Variants in FRK observed in about 807,000 individuals in gnomAD.
FRK encodes the protein tyrosine-protein kinase FRK.
A neutral mutation model predicts 56.4 loss-of-function variants in FRK; 51 were observed. The observed-to-expected ratio is 0.90, with a 90% confidence interval of 0.72 to 1.14. The LOEUF is 1.14. FRK is among the 50% of genes most tolerant of loss of function. FRK has a pLI of 0.00. For synonymous variants in FRK, 245 were observed against 217.9 expected (o/e 1.12, Z -1.10); for missense variants, 570 against 601.4 (o/e 0.95, Z 0.55).
At chr6:116,067,535 G>A in the FRK span, among the ~76,000 whole-genome samples, 11 of 152,128 alleles carry the variant, frequency 7.2e-5, no homozygotes, top group South Asian at 4.2e-4. Context: ...TATGTCCCTA[G>A]AGCTTAACCT....
intron 1 of FRK, among the ~76,000 whole-genome samples, chr6:116,011,717 C>A (rs1210737517): frequency 6.6e-6 from 1 of 152,184 alleles, no homozygotes. Flanking sequence ...ATTTGCAGGG[C>A]ACACTCATAA....
At chr6:115,944,080 A>T (rs1562247803) in intron 6 of FRK, among the ~76,000 whole-genome samples, 164 bp downstream of exon 6, 2 of 152,184 alleles carry the variant, frequency 1.3e-5, no homozygotes, top group African/African-American at 2.4e-5. Context: ...ATTAAGAAAT[A>T]GGAAGGTGCA....
the FRK span, among the ~76,000 whole-genome samples, chr6:116,075,975 C>G: frequency 6.6e-6 from 1 of 152,096 alleles, no homozygotes; most frequent in African/African-American, 2.4e-5. Flanking sequence ...AACATTGATT[C>G]CTTGCATACC....
At position 115,953,180 on chromosome 6, in the gene FRK, A is replaced by ACTTTTTTTTTTTTT. The variant is rs34026302; in HGVS notation, c.958+3271_958+3272insAAAAAAAAAAAAAG. Among the ~76,000 whole-genome samples, 3 of 104,032 alleles carry ACTTTTTTTTTTTTT rather than the reference A, an allele frequency of 2.9e-5. 1 individual carries two copies. Among genetic ancestry groups the ACTTTTTTTTTTTTT allele is most frequent in the African/African-American group, 3.7e-5 (1 of 27,214 alleles). The allele number at this position is 104,032 out of a possible 152,430, so 68.2% of individuals were successfully genotyped here. A position where few individuals can be genotyped will look rare whatever the true frequency, so the allele number is the denominator to read the frequency against. On this transcript the variant is annotated intron_variant, in intron 5 of 7. Coordinates refer to ENST00000606080, the MANE Select transcript of FRK (RefSeq NM_002031.3). ...AGAGTGGTACATCCATTTTAAGGCC[A>ACTTTTTTTTTTTTT]TTTTTTTTTTTTTTTTTTTTTTTTT...
chr6:116,065,588 T>G (rs1433498512), upstream of FRK, among the ~76,000 whole-genome samples: 2 of 152,224 alleles, frequency 1.3e-5, no homozygotes, highest in Non-Finnish European at 2.9e-5. Context: ...TGGGTTCTTG[T>G]CTATCTTTTA....
At position 115,956,309 on chromosome 6, in the gene FRK, C is replaced by T. The variant is rs114812149; in HGVS notation, c.958+143G>A. 4.6e-3 allele frequency: 2,074 copies of T among 452,712 alleles called. 40 individuals carry two copies. The highest frequency in any genetic ancestry group is 0.039 in the African/African-American group (1,924 of 49,786). The allele number at this position is 452,712 out of a possible 1,614,324, so 28.0% of individuals were successfully genotyped here. ...TATAACCTATTAAATAGTAGTTGAG[C>T]CATTCAGTGTTAAGACATTCATTCT... On this transcript the variant is annotated intron_variant, in intron 5 of 7. Transcript: ENST00000606080.
chr6:116,060,051 T>G lies in FRK; in HGVS notation c.261A>C (p.Lys87Asn). ...GTTGCTGACTGGAGCCATCTCGTCT[T>G]TTCTCCAAGTGTCTGGCAAACCACC... Reference protein sequence around the residue: ...EGWWFARHLEKRRDGSSQQLQ... With the variant: ...EGWWFARHLENRRDGSSQQLQ... The change falls in exon 1 of 8, where the codon AAA (lysine) becomes AAC (asparagine). Residue 87 changes from lysine to asparagine, a missense_variant. Physicochemically the swap from Lys to Asn is moderately conservative, Grantham distance 94 (BLOSUM62 0). Transcript: ENST00000606080. 2 of 1,614,168 alleles carry G rather than the reference T, an allele frequency of 1.2e-6. No individual in the cohort carries two copies. The highest frequency in any genetic ancestry group is 1.7e-6 in the Non-Finnish European group (2 of 1,180,038).
intron 1 of FRK, among the ~76,000 whole-genome samples, chr6:116,008,095 C>A (rs1313534205): frequency 5.3e-5 from 8 of 152,098 alleles, no homozygotes. Context: ...ACTAAATACT[C>A]CATTACATAA....
Position 115,942,419 on chromosome 6 carries a change from T to A in FRK, c.1513A>T (p.Arg505Ter), listed in dbSNP as rs775887093. The change falls in exon 8 of 8, where the codon AGA becomes TGA. Residue 505 changes from arginine (R) to a stop codon, truncating the protein, a stop_gained. Transcript: ENST00000606080. LOFTEE classifies it high-confidence loss of function. The part of the protein sequence containing the change: ...SSYSDANNFI[R>*] ...TTGATATTCTTCTCCAGTGTTCATC[T>A]TATGAAGTTATTTGCATCTGAATAT... 1 of 1,609,736 alleles carries A rather than the reference T, an allele frequency of 6.2e-7. No individual in the cohort carries two copies. Among genetic ancestry groups the A allele is most frequent in the South Asian group, 1.1e-5 (1 of 90,952 alleles).
intron 4 of FRK, 44 bp downstream of exon 4, chr6:115,967,507 C>T (rs1933827384): frequency 6.3e-7 from 1 of 1,576,318 alleles, no homozygotes; most frequent in African/African-American, 1.3e-5. Context: ...AAATTGAGCT[C>T]ATAAAAATCA....
At position 115,943,223 on chromosome 6, in the gene FRK, ATT is replaced by A. The variant is rs11330350; in HGVS notation, c.1141-40_1141-39del. On this transcript the variant is annotated intron_variant, in intron 6 of 7. Coordinates refer to ENST00000606080, the MANE Select transcript of FRK (RefSeq NM_002031.3). ...TAAGGAATCAGGCCGAGTTAAAGCAATTTTTTTTTTTTTGCTAACCTCATTCA... is the reference window on the plus strand; with the variant it reads ...TAAGGAATCAGGCCGAGTTAAAGCAATTTTTTTTTTTGCTAACCTCATTCA... 7.2e-3 allele frequency: 8,693 copies of A among 1,204,094 alleles called. 14 individuals carry two copies. The highest frequency in any genetic ancestry group is 0.047 in the East Asian group (1,469 of 31,200). 74.6% of individuals were successfully genotyped at this position (1,204,094 alleles called of 1,614,324 possible).
At chr6:115,979,047 C>CT (rs1372126130) in intron 2 of FRK, among the ~76,000 whole-genome samples, 3 of 143,796 alleles carry the variant, frequency 2.1e-5, no homozygotes, top group Non-Finnish European at 4.5e-5. Context: ...GAGTGAGACT[C>CT]TGTCTCAAAA....
intron 1 of FRK, among the ~76,000 whole-genome samples, chr6:116,014,657 A>C (rs1048566877): frequency 1.3e-5 from 2 of 152,184 alleles, no homozygotes; most frequent in African/African-American, 4.8e-5. Flanking sequence ...GTAAATTTGA[A>C]AACTACAAAG....
intron 1 of FRK, among the ~76,000 whole-genome samples, chr6:116,034,122 A>G (rs1296150784): frequency 6.6e-6 from 1 of 152,138 alleles, no homozygotes; most frequent in Non-Finnish European, 1.5e-5. Context: ...CATGGGATGA[A>G]CAGAGGTTGT....
intron 1 of FRK, among the ~76,000 whole-genome samples, chr6:116,019,301 A>G (rs1775774107): frequency 6.6e-6 from 1 of 152,202 alleles, no homozygotes; most frequent in Non-Finnish European, 1.5e-5. Context: ...GAATGAATAA[A>G]CAGATGATTA....
Position 115,940,003 on chromosome 6 carries a change from A to G in FRK, c.*2411T>C, listed in dbSNP as rs1254315265. The G allele has an allele frequency of 6.6e-6, 1 of 152,252 alleles. No homozygotes were observed. The highest frequency in any genetic ancestry group is 1.5e-5 in the Non-Finnish European group (1 of 68,060). 9.4% of individuals were successfully genotyped at this position (152,252 alleles called of 1,614,324 possible). A position where few individuals can be genotyped will look rare whatever the true frequency, so the allele number is the denominator to read the frequency against. ...ACTTTAAACTTCATATGGAATCAAA[A>G]AAGAGCCCGCATAGCCAAGACAATT... On this transcript the variant is annotated 3_prime_UTR_variant, in exon 8 of 8. Transcript: ENST00000606080.
At chr6:116,019,816 A>T (rs1456488249) in intron 1 of FRK, among the ~76,000 whole-genome samples, 1 of 152,182 alleles carries the variant, frequency 6.6e-6, no homozygotes, top group Non-Finnish European at 1.5e-5. Context: ...GTGGGTCAGA[A>T]ATAGCCAATA....
At chr6:115,944,963 G>A (rs1446714745) in intron 5 of FRK, among the ~76,000 whole-genome samples, 1 of 152,044 alleles carries the variant, frequency 6.6e-6, no homozygotes, top group African/African-American at 2.4e-5. Context: ...GAGAACATGT[G>A]GTATTTGCTT....
Position 116,027,043 on chromosome 6 carries a change from C to G in FRK, c.345-23045G>C, listed in dbSNP as rs73772203. On this transcript the variant is annotated intron_variant, in intron 1 of 7. Coordinates refer to ENST00000606080, the MANE Select transcript of FRK (RefSeq NM_002031.3). ...TCTTAAAGAGTTGCCTGTGGGCCATCCTAAACTGTTAAATGCATTAGGAAT... is the reference window on the plus strand; with the variant it reads ...TCTTAAAGAGTTGCCTGTGGGCCATGCTAAACTGTTAAATGCATTAGGAAT... Among the ~76,000 whole-genome samples the G allele has an allele frequency of 4.3e-3, 649 of 152,202 alleles. 7 individuals carry two copies. Among genetic ancestry groups the G allele is most frequent in the African/African-American group, 0.015 (630 of 41,548 alleles).
Sources: allele counts gnomAD v4.1 joint callset (sites outside exome capture counted in the v4.1 genomes callset), GRCh38; gene constraint gnomAD v4.1.1; transcripts MANE v1.5; gene names NCBI Gene and HGNC (gene_info 2026-07-23, HGNC 2026-07-21).